The following CTXN2 variants were observed in gnomAD, a reference collection of about 807,000 sequenced individuals.
CTXN2 encodes the protein cortexin 2.
Under a neutral mutation model 5.7 loss-of-function variants are expected in CTXN2, and 3 were observed. The ratio of observed to expected loss-of-function variants is 0.53; its 90% CI spans 0.24 to 1.36. The LOEUF (loss-of-function observed/expected upper bound fraction) is 1.36, where lower values mean the gene tolerates loss of function less well. CTXN2 is among the 40% of genes most tolerant of loss of function. CTXN2 has a pLI of 0.17. For synonymous variants in CTXN2, 38 were observed against 36.4 expected (o/e 1.04, Z -0.16); for missense variants, 87 against 93.0 (o/e 0.94, Z 0.26).
chr15:48,180,284 G>A (rs1597377095), intron 1 of CTXN2, among the ~76,000 whole-genome samples: 1 of 152,290 alleles, frequency 6.6e-6, no homozygotes, highest in East Asian at 1.9e-4. Context: ...AGAGATTGGT[G>A]AGGGCCTTAT....
chr15:48,200,754 G>T (rs1042770834), intron 1 of CTXN2, among the ~76,000 whole-genome samples: 12 of 152,094 alleles, frequency 7.9e-5, no homozygotes, highest in African/African-American at 2.7e-4. Context: ...TGAAAAGAAA[G>T]AAGTCATTAT....
chr15:48,193,414 A>G (rs1211241947), intron 1 of CTXN2, among the ~76,000 whole-genome samples: 1 of 152,064 alleles, frequency 6.6e-6, no homozygotes, highest in East Asian at 1.9e-4. Context: ...ATATATTTCA[A>G]ATAACTTTTA....
intron 1 of CTXN2, among the ~76,000 whole-genome samples, chr15:48,179,152 T>A (rs1190617285): frequency 3.9e-5 from 6 of 152,100 alleles, no homozygotes. Context: ...TTTAATCAAC[T>A]CCTAATTCTC....
chr15:48,186,909 C>CAAAA (rs751653728), upstream of CTXN2, among the ~76,000 whole-genome samples: 1 of 44,554 alleles, frequency 2.2e-5, no homozygotes, highest in African/African-American at 8.5e-5. Flanking sequence ...GACTCCATCT[C>CAAAA]AAAAAAAAAA....
intron 1 of CTXN2, among the ~76,000 whole-genome samples, chr15:48,182,720 T>A (rs2040710098): frequency 6.6e-6 from 1 of 152,236 alleles, no homozygotes; most frequent in South Asian, 2.1e-4. Context: ...AGAAAGCTTT[T>A]GACTCAGTCA....
At chr15:48,189,722 A>G (rs1005161670), upstream of CTXN2, among the ~76,000 whole-genome samples, 4 of 152,234 alleles carry the variant, frequency 2.6e-5, no homozygotes, top group African/African-American at 9.6e-5. Context: ...AGAATAATAG[A>G]TGGAATAAAA....
chr15:48,199,373 A>G (rs2040909434), intron 1 of CTXN2, among the ~76,000 whole-genome samples: 1 of 152,154 alleles, frequency 6.6e-6, no homozygotes, highest in Non-Finnish European at 1.5e-5. Flanking sequence ...GGGAAACCAC[A>G]GCGTCCATCC....
At chr15:48,182,939 A>T (rs559644518) in intron 1 of CTXN2, among the ~76,000 whole-genome samples, 4 of 152,318 alleles carry the variant, frequency 2.6e-5, no homozygotes, top group African/African-American at 7.2e-5. Flanking sequence ...TTGTGCCCAG[A>T]ATCTGCTGAC....
chr15:48,190,190 C>G (rs2040800927), upstream of CTXN2: 2 of 152,202 alleles, frequency 1.3e-5, no homozygotes, highest in Admixed American at 6.5e-5. Context: ...CAATCTGAGA[C>G]CCAACCCCAC....
At chr15:48,191,223 G>A (rs1432842429), upstream of CTXN2, among the ~76,000 whole-genome samples, 1 of 152,192 alleles carries the variant, frequency 6.6e-6, no homozygotes, top group Non-Finnish European at 1.5e-5. Flanking sequence ...AGAATTTAGT[G>A]CCTACTGTTC....
In CTXN2 at chr15:48,180,907, A is replaced by G. The variant is rs565593977; in HGVS notation, c.-455+2507A>G. ...AAATTCTTATTTTCCCATGATTCACATTGCAAAAGCATTATCCTTTGCAAT... is the reference window on the plus strand; with the variant it reads ...AAATTCTTATTTTCCCATGATTCACGTTGCAAAAGCATTATCCTTTGCAAT... On this transcript the variant is annotated intron_variant, in intron 1 of 2. Transcript: ENST00000644354. Among the ~76,000 whole-genome samples the G allele has an allele frequency of 5.9e-5, 9 of 152,370 alleles. 1 individual carries two copies. Among genetic ancestry groups the G allele is most frequent in the African/African-American group, 2.2e-4 (9 of 41,592 alleles).
chr15:48,186,082 T>C (rs1463645099), intron 1 of CTXN2, among the ~76,000 whole-genome samples: 2 of 152,178 alleles, frequency 1.3e-5, no homozygotes, highest in East Asian at 3.8e-4. Context: ...TACTATACTG[T>C]AGTTATGGCT....
At chr15:48,190,655 A>G (rs1456743664), upstream of CTXN2, among the ~76,000 whole-genome samples, 1 of 152,020 alleles carries the variant, frequency 6.6e-6, no homozygotes, top group East Asian at 1.9e-4. Flanking sequence ...ATTTCCCCCA[A>G]CGACTCACAG....
intron 1 of CTXN2, among the ~76,000 whole-genome samples, chr15:48,182,877 A>G (rs1183201373): frequency 6.6e-6 from 1 of 152,188 alleles, no homozygotes; most frequent in Admixed American, 6.5e-5. Flanking sequence ...ACAAGGAACC[A>G]TGGCCAAGGA....
upstream of CTXN2, among the ~76,000 whole-genome samples, chr15:48,187,562 G>A (rs1403935696): frequency 6.6e-6 from 1 of 152,176 alleles, no homozygotes; most frequent in Non-Finnish European, 1.5e-5. Flanking sequence ...GGTTGAAGAG[G>A]TAAAGGTGAT....
intron 1 of CTXN2, chr15:48,178,668 A>T (rs1403493820): frequency 6.1e-6 from 1 of 163,334 alleles, no homozygotes; most frequent in Non-Finnish European, 1.3e-5. Flanking sequence ...TAAAGAACAC[A>T]CCACTTTGCA....
chr15:48,190,955 T>C (rs905031969), upstream of CTXN2: 2 of 152,410 alleles, frequency 1.3e-5, no homozygotes, highest in African/African-American at 4.8e-5. Flanking sequence ...TAGAGCTTTA[T>C]CAGAGCGTTT....
chr15:48,180,078 A>G (rs2040685146), intron 1 of CTXN2, among the ~76,000 whole-genome samples: 1 of 152,244 alleles, frequency 6.6e-6, no homozygotes, highest in African/African-American at 2.4e-5. Context: ...CTATAATACA[A>G]ATAAAAGCAA....
chr15:48,191,732 C>T lies in CTXN2; in HGVS notation c.-179C>T, dbSNP rs2040825246. On this transcript the variant is annotated 5_prime_UTR_variant, in exon 1 of 2. Transcript: ENST00000417307. Reference sequence around the variant, plus strand: ...AAGCGCTAACCAGGGCCCTGTGACTCTACGCAGGTTCCAGAACACGCCTTC... The same window carrying T: ...AAGCGCTAACCAGGGCCCTGTGACTTTACGCAGGTTCCAGAACACGCCTTC... 2 of 456,074 alleles carry T rather than the reference C, an allele frequency of 4.4e-6. No individual in the cohort carries two copies. The highest frequency in any genetic ancestry group is 8.8e-6 in the Non-Finnish European group (2 of 226,800). The allele number at this position is 456,074 out of a possible 1,614,324, so 28.3% of individuals were successfully genotyped here.
Sources: allele counts gnomAD v4.1 joint callset (sites outside exome capture counted in the v4.1 genomes callset), GRCh38; gene constraint gnomAD v4.1.1; transcripts MANE v1.5; gene names NCBI Gene and HGNC (gene_info 2026-07-23, HGNC 2026-07-21).